NSD2: variants seen among roughly 807,000 people sequenced by gnomAD.
NSD2 encodes histone-lysine N-methyltransferase NSD2.
NSD2 carries 12 observed loss-of-function variants against 139.0 expected under a neutral mutation model. The ratio of observed to expected loss-of-function variants is 0.09; its 90% CI spans 0.06 to 0.14. The LOEUF (loss-of-function observed/expected upper bound fraction) is 0.14. Ranked by LOEUF, NSD2 falls within the 10% of genes least tolerant of loss-of-function variation. The pLI, the probability that NSD2 is intolerant of heterozygous loss-of-function variation, is 1.00. For synonymous variants in NSD2, 669 were observed against 648.7 expected, an observed-to-expected ratio of 1.03 and a Z score of -0.48; for missense variants, 1,155 against 1,745.0, an observed-to-expected ratio of 0.66 and a Z score of 6.02.
intron 9 of NSD2, chr4:1,946,759 C>T: frequency 4.8e-6 from 5 of 1,047,302 alleles, no homozygotes; most frequent in Non-Finnish European, 4.6e-6. Context: ...GTATTATATT[C>T]ATCTGATTCC....
At chr4:1,892,778 A>G (rs912414008) in intron 1 of NSD2, 1 of 151,872 alleles carries the variant, frequency 6.6e-6, no homozygotes, top group South Asian at 2.1e-4. Flanking sequence ...CATGTTGGCC[A>G]GAGTGGTCTT....
rs566775708 is a variant in NSD2, at chr4:1,973,389, G to T, written c.3373-1474G>T. 6.6e-6 allele frequency among the ~76,000 whole-genome samples: 1 copy of T among 152,168 alleles called. No homozygotes were observed. Among genetic ancestry groups the T allele is most frequent in the Non-Finnish European group, 1.5e-5 (1 of 68,014 alleles). ...GTGGCATGTCCCATGTGCATGCCCC[G>T]TGCTGTCCTCGTCCCCAGGGCCCTG... On this transcript the variant is annotated intron_variant, in intron 18 of 21. Coordinates refer to ENST00000508803, the MANE Select transcript of NSD2 (RefSeq NM_001042424.3). This position sits in a 1 kb window ranked among gnomAD's most constrained non-coding sequence, Gnocchi z 5.5.
At chr4:1,964,910 C>G (rs771248732) in intron 18 of NSD2, among the ~76,000 whole-genome samples, 2 of 151,952 alleles carry the variant, frequency 1.3e-5, no homozygotes, top group Admixed American at 1.3e-4. Flanking sequence ...TTGGGTTGAT[C>G]CTCTGCACAG....
At chr4:1,879,229 ATTTTTT>A (rs1203970069) in intron 1 of NSD2, among the ~76,000 whole-genome samples, 1 of 151,614 alleles carries the variant, frequency 6.6e-6, no homozygotes, top group African/African-American at 2.4e-5. Context: ...ATTTTATTTT[ATTTTTT>A]TGAGACGGAG....
intron 9 of NSD2, chr4:1,947,165 C>T (rs1264007641): frequency 2.8e-6 from 3 of 1,064,624 alleles, no homozygotes; most frequent in Admixed American, 5.3e-5. Flanking sequence ...GACCAGGCTC[C>T]TCCCCAGCAC....
At chr4:1,963,891 A>G (rs1725611767) in intron 18 of NSD2, among the ~76,000 whole-genome samples, 2 of 152,206 alleles carry the variant, frequency 1.3e-5, no homozygotes, top group Admixed American at 6.5e-5. Flanking sequence ...CCAGCTACTC[A>G]GGAGGCTGAG....
At chr4:1,966,361 G>T (rs928209400) in intron 18 of NSD2, among the ~76,000 whole-genome samples, 10 of 12,990 alleles carry the variant, frequency 7.7e-4, no homozygotes, top group African/African-American at 9.8e-4. Flanking sequence ...TTGTCTGCAT[G>T]ATTGAAGAGA....
chr4:1,952,043 C>T (rs1724320353), intron 10 of NSD2, 65 bp from the exon 11 acceptor site: 1 of 1,564,952 alleles, frequency 6.4e-7, no homozygotes, highest in Non-Finnish European at 8.7e-7. Flanking sequence ...AGACGGCTTC[C>T]CTTGTGGTAA....
At chr4:1,966,270 A>T (rs1166889813) in intron 18 of NSD2, among the ~76,000 whole-genome samples, 2 of 152,238 alleles carry the variant, frequency 1.3e-5, no homozygotes, top group African/African-American at 4.8e-5. Flanking sequence ...ATGAAGAAGA[A>T]AGATCTCAAA....
intron 10 of NSD2, 70 bp downstream of exon 10, chr4:1,951,273 T>G (rs922930395): frequency 1.3e-6 from 2 of 1,597,264 alleles, no homozygotes; most frequent in African/African-American, 2.7e-5. Context: ...CAGAGCGAAT[T>G]TGTAGTGTCT....
rs766646098 is a variant in NSD2 at position 1,900,839 on chromosome 4, T to C, written c.185T>C (p.Met62Thr). The C allele has an allele frequency of 2.5e-6, 4 of 1,613,874 alleles. No individual in the cohort carries two copies. Among genetic ancestry groups the C allele is most frequent in the Non-Finnish European group, 3.4e-6 (4 of 1,179,882 alleles). Residue 62 changes from methionine (M) to threonine (T), a missense_variant, in exon 2 of 22, where the codon ATG becomes ACG. By Grantham distance (81) the Met-to-Thr change is moderately conservative. Around this residue, in one of 8 missense-constraint regions of NSD2, gnomAD observed 246 missense variants for 262.8 expected, o/e 0.94. Transcript: ENST00000508803. ...QLSSSLQEGV[M>T]QKFNGHDALP... ...TCCAGTAGCCTGCAGGAGGGGGTCA[T>C]GCAGAAGTTTAACGGCCACGACGCC...
rs1726865423 is a variant in NSD2 at position 1,974,614 on chromosome 4, G to A, written c.3373-249G>A. 4.7e-6 allele frequency: 3 copies of A among 639,110 alleles called. No homozygotes were observed. The highest frequency in any genetic ancestry group is 8.7e-6 in the Non-Finnish European group (3 of 346,798). 39.6% of individuals were successfully genotyped at this position (639,110 alleles called of 1,614,324 possible). A position where few individuals can be genotyped will look rare whatever the true frequency, so the allele number is the denominator to read the frequency against. On this transcript the variant is annotated intron_variant, in intron 18 of 21. Coordinates refer to ENST00000508803, the MANE Select transcript of NSD2 (RefSeq NM_001042424.3). The surrounding 1 kb of genome is among the most constrained non-coding windows in gnomAD (Gnocchi z 4.0). The stretch of plus-strand genomic sequence containing the variant: ...ATCATGGAGGATGCTGGGAGCTCCA[G>A]CTCCCTGTCCTGTCCTCCCCGGCGC...
rs764009190 is a variant in NSD2, at chr4:1,904,083, C to T, written c.598-133C>T. 530 of 1,027,248 alleles carry T rather than the reference C, an allele frequency of 5.2e-4. 1 individual carries two copies. Among genetic ancestry groups the T allele is most frequent in the Non-Finnish European group, 7.2e-4 (511 of 713,324 alleles). 63.6% of individuals were successfully genotyped at this position (1,027,248 alleles called of 1,614,324 possible). ...GATGTTGAGGCTATCATCTAAAACA[C>T]AGCAAGGGAGCACACTCCATTTTTG... On this transcript the variant is annotated intron_variant, in intron 2 of 21. Transcript: ENST00000508803.
chr4:1,905,208 G>A (rs1717730376), intron 3 of NSD2, among the ~76,000 whole-genome samples: 2 of 152,208 alleles, frequency 1.3e-5, no homozygotes, highest in Admixed American at 6.5e-5. Context: ...TGTTTTTAGA[G>A]GAATAGTAAA....
At chr4:1,951,293 C>T (rs1047431604) in intron 10 of NSD2, 90 bp downstream of exon 10, 3 of 1,539,502 alleles carry the variant, frequency 1.9e-6, no homozygotes, top group Non-Finnish European at 2.7e-6. Context: ...TTTTCCCTTC[C>T]CACCAGACCC....
intron 1 of NSD2, 105 bp from the exon 2 acceptor site, chr4:1,900,521 C>A: frequency 4.5e-6 from 3 of 661,314 alleles, no homozygotes; most frequent in Non-Finnish European, 4.7e-6. Flanking sequence ...AAATTGCTTA[C>A]AAAGAAAATC....
Position 1,953,372 on chromosome 4 carries a change from G to A in NSD2, c.2186G>A (p.Arg729His). The A allele has an allele frequency of 1.9e-6, 3 of 1,614,222 alleles. No individual in the cohort carries two copies. Among genetic ancestry groups the A allele is most frequent in the Non-Finnish European group, 2.5e-6 (3 of 1,180,030 alleles). The change falls in exon 12 of 22, where the codon CGC (arginine) becomes CAC (histidine). Residue 729 changes from arginine (R) to histidine (H), a missense_variant. By Grantham distance (29) the Arg-to-His change is conservative. This residue lies in a region of NSD2 where 120 missense variants were observed against 239.3 expected (regional missense o/e 0.50). Transcript: ENST00000508803. Reference protein sequence around the residue: ...VCKESKTDVKRCVVTQCGKFY... With the variant: ...VCKESKTDVKHCVVTQCGKFY... ...AAAGAGAGCAAGACAGATGTTAAGC[G>A]CTGTGTGGTAACTCAGTGTGGAAAA... is the stretch of plus-strand genomic sequence containing the variant.
intron 21 of NSD2, among the ~76,000 whole-genome samples, chr4:1,977,004 G>C (rs940124695): frequency 6.6e-6 from 1 of 152,234 alleles, no homozygotes; most frequent in African/African-American, 2.4e-5. Context: ...GGAAGGAGGC[G>C]ACGCTGGGAA....
At chr4:1,883,532 T>C (rs1181199034) in intron 1 of NSD2, among the ~76,000 whole-genome samples, 1 of 150,522 alleles carries the variant, frequency 6.6e-6, no homozygotes, top group Non-Finnish European at 1.5e-5. Flanking sequence ...CTCAGGAGGC[T>C]GAGGCACGAG....
Sources: gnomAD v4.1 joint callset for allele counts (sites outside exome capture counted in the v4.1 genomes callset) on GRCh38, gnomAD v4.1.1 for gene constraint, gnomAD v4.1.1 regional missense constraint, Gnocchi (gnomAD v3.1) non-coding constraint, MANE v1.5 for transcripts, NCBI Gene and HGNC (gene_info 2026-07-23, HGNC 2026-07-21) for gene names.